MACROD2: variants seen among roughly 807,000 people sequenced by gnomAD.
MACROD2 encodes ADP-ribose glycohydrolase MACROD2.
A neutral mutation model predicts 70.4 loss-of-function variants in MACROD2; 36 were observed. The observed-to-expected ratio is 0.51, with a 90% CI of 0.39 to 0.68. MACROD2 has a LOEUF of 0.68. Among genes scored for constraint, MACROD2 ranks in the 30% least tolerant of loss-of-function variants. The pLI is 0.00. For synonymous variants in MACROD2, 172 were observed against 178.8 expected (o/e 0.96, Z 0.30); for missense variants, 496 against 538.4 (o/e 0.92, Z 0.78).
chr20:14,642,859 A>T (rs555907728), intron 4 of MACROD2, among the ~76,000 whole-genome samples: 9 of 152,274 alleles, frequency 5.9e-5, no homozygotes, highest in African/African-American at 1.7e-4. Flanking sequence ...TGTGACACAG[A>T]GACACAAAGT....
At chr20:14,490,653 G>A (rs1484107457) in intron 3 of MACROD2, among the ~76,000 whole-genome samples, 1 of 152,010 alleles carries the variant, frequency 6.6e-6, no homozygotes, top group African/African-American at 2.4e-5. Context: ...AGTTTTCTTT[G>A]TTCCTTTTCT....
chr20:15,607,694 C>G (rs571594539), intron 8 of MACROD2, among the ~76,000 whole-genome samples: 12 of 152,230 alleles, frequency 7.9e-5, no homozygotes, highest in African/African-American at 2.9e-4. Flanking sequence ...CCACCACACC[C>G]GGATAATTTT....
At chr20:15,911,886 A>C (rs1482928242) in intron 10 of MACROD2, among the ~76,000 whole-genome samples, 2 of 152,166 alleles carry the variant, frequency 1.3e-5, no homozygotes, top group Non-Finnish European at 2.9e-5. Context: ...TGTGCGTGTA[A>C]TCCTGGCTAC....
intron 4 of MACROD2, among the ~76,000 whole-genome samples, chr20:14,503,193 C>T (rs992559689): frequency 1.3e-5 from 2 of 152,116 alleles, no homozygotes; most frequent in African/African-American, 4.8e-5. Flanking sequence ...AGCAGGCAGT[C>T]AGGCCTGGAA....
chr20:14,926,337 C>G (rs1214219959), intron 5 of MACROD2, among the ~76,000 whole-genome samples: 1 of 151,980 alleles, frequency 6.6e-6, no homozygotes, highest in Admixed American at 6.6e-5. Flanking sequence ...ATCATGAGGT[C>G]AAGAGATCAA....
intron 10 of MACROD2, among the ~76,000 whole-genome samples, chr20:15,912,627 A>T (rs1171138172): frequency 6.6e-6 from 1 of 152,168 alleles, no homozygotes; most frequent in Non-Finnish European, 1.5e-5. Flanking sequence ...AGCTTCATTG[A>T]CCACAAAAGT....
chr20:14,867,620 G>C (rs566028362), intron 5 of MACROD2, among the ~76,000 whole-genome samples: 2 of 152,110 alleles, frequency 1.3e-5, no homozygotes, highest in East Asian at 1.9e-4. Flanking sequence ...GATTTCTTTT[G>C]TATATTCATT....
At chr20:14,156,166 A>T (rs554892638) in intron 3 of MACROD2, among the ~76,000 whole-genome samples, 1 of 152,366 alleles carries the variant, frequency 6.6e-6, no homozygotes, top group African/African-American at 2.4e-5. Flanking sequence ...AAAATAAAAA[A>T]TAAAAATAAA....
At chr20:16,005,215 G>A (rs1272541540) in intron 15 of MACROD2, among the ~76,000 whole-genome samples, 2 of 152,104 alleles carry the variant, frequency 1.3e-5, no homozygotes, top group South Asian at 2.1e-4. Flanking sequence ...CTCAACTTGC[G>A]GAAGTTCCCC....
At chr20:14,115,923 A>G (rs929136226) in intron 3 of MACROD2, among the ~76,000 whole-genome samples, 6 of 152,224 alleles carry the variant, frequency 3.9e-5, no homozygotes, top group African/African-American at 1.2e-4. Context: ...TATCATTCAC[A>G]TAAGAAAAAG....
chr20:16,025,983 T>TTA (rs1555810060), intron 15 of MACROD2, among the ~76,000 whole-genome samples: 28 of 140,008 alleles, frequency 2.0e-4, no homozygotes, highest in Middle Eastern at 3.7e-3. Flanking sequence ...CCATCTCTAC[T>TTA]AAAAAAAAAA....
At chr20:15,186,212 C>G (rs1013623809) in intron 5 of MACROD2, among the ~76,000 whole-genome samples, 1 of 152,016 alleles carries the variant, frequency 6.6e-6, no homozygotes, top group Non-Finnish European at 1.5e-5. Context: ...CTGTGTGGCT[C>G]TCTATCTAGA....
chr20:14,702,599 G>GTATATATATATACATATATATA lies in MACROD2; in HGVS notation c.418+17641_418+17642insATATATATATACATATATATAT, dbSNP rs2071213802. On this transcript the variant is annotated intron_variant, in intron 5 of 17. Transcript: ENST00000684519. ...TGTGTATATATATGTATATATATGTGTGTATATATATGTGTATATATATAT... is the reference window on the plus strand; with the variant it reads ...TGTGTATATATATGTATATATATGTGTATATATATATACATATATATATGTATATATATGTGTATATATATAT... Among the ~76,000 whole-genome samples the GTATATATATATACATATATATA allele has an allele frequency of 3.5e-3, 4 of 1,158 alleles. 1 individual carries two copies. The East Asian group carries it at 0.043, about 12-fold the overall frequency. 0.8% of individuals were successfully genotyped at this position (1,158 alleles called of 152,430 possible).
intron 6 of MACROD2, among the ~76,000 whole-genome samples, chr20:15,286,711 A>G (rs2077495386): frequency 1.3e-5 from 2 of 152,206 alleles, no homozygotes; most frequent in African/African-American, 4.8e-5. Context: ...AGCCAAGAAG[A>G]CACAGTTCAT....
chr20:14,050,057 G>T (rs908336203), intron 2 of MACROD2, among the ~76,000 whole-genome samples: 1 of 149,010 alleles, frequency 6.7e-6, no homozygotes, highest in African/African-American at 2.5e-5. Flanking sequence ...TTGCACTCCA[G>T]CCTGGGCAAC....
chr20:15,435,447 T>C lies in MACROD2; in HGVS notation c.571+4012T>C, dbSNP rs181419421. Among the ~76,000 whole-genome samples the C allele has an allele frequency of 5.9e-3, 902 of 152,236 alleles. 7 individuals are homozygous for C. Among genetic ancestry groups the C allele is most frequent in the African/African-American group, 0.02 (833 of 41,536 alleles). The stretch of plus-strand genomic sequence containing the variant: ...ATTATATGGACATGTTTAACTGTAT[T>C]GTGAAATACCAAACTGTTTTCTAAA... On this transcript the variant is annotated intron_variant, in intron 7 of 17. Transcript: ENST00000684519.
chr20:15,057,974 G>C (rs947331903), intron 5 of MACROD2, among the ~76,000 whole-genome samples: 1 of 152,030 alleles, frequency 6.6e-6, no homozygotes, highest in Non-Finnish European at 1.5e-5. Flanking sequence ...ATACCCTGTC[G>C]CTTGGCAGAC....
chr20:15,542,839 G>C (rs751603921), intron 8 of MACROD2, among the ~76,000 whole-genome samples: 4 of 152,194 alleles, frequency 2.6e-5, no homozygotes, highest in Non-Finnish European at 5.9e-5. Flanking sequence ...CTCTATTTGT[G>C]GGCCTAGGAC....
chr20:14,050,531 A>C (rs6105210), intron 2 of MACROD2, among the ~76,000 whole-genome samples: 26,239 of 148,430 alleles, frequency 0.18, 2,360 homozygotes, highest in Admixed American at 0.23. Context: ...GGAGAAACCC[A>C]GGCCAGTTAG....
Sources: allele counts gnomAD v4.1 joint callset (sites outside exome capture counted in the v4.1 genomes callset), GRCh38; gene constraint gnomAD v4.1.1; transcripts MANE v1.5; gene names NCBI Gene and HGNC (gene_info 2026-07-23, HGNC 2026-07-21).